Variants in GIPC1 observed in about 807,000 individuals in gnomAD.
GIPC1 encodes the protein GIPC PDZ domain containing family member 1.
Under a neutral mutation model 28.5 loss-of-function variants are expected in GIPC1, and 15 were observed. The observed-to-expected ratio is 0.53, with a 90% CI of 0.35 to 0.81. The LOEUF (loss-of-function observed/expected upper bound fraction) is 0.81, where lower values mean the gene tolerates loss of function less well. Ranked by LOEUF, GIPC1 falls within the 30% of genes least tolerant of loss-of-function variation. The probability of loss-of-function intolerance (pLI) is 0.01; values close to 1 mark genes in which losing one functional copy is unlikely to be tolerated. For missense variants in GIPC1, 439 were observed against 481.9 expected (o/e 0.91, Z 0.83); for synonymous variants, 224 against 206.1 (o/e 1.09, Z -0.74).
In GIPC1 at chr19:14,489,515, A is replaced by C. The variant is rs777997539; in HGVS notation, c.-31+2141T>G. ...GATCCCTTTATGAACCTTGTGATAG[A>C]TGAATGTGTGGAGATGGCGACTAGT... On this transcript the variant is annotated intron_variant, in intron 3 of 8. Transcript: ENST00000393033. 22 of 894,530 alleles carry C rather than the reference A, an allele frequency of 2.5e-5. No individual in the cohort carries two copies. In the Middle Eastern group the frequency reaches 9.9e-4, roughly 40 times the overall value. 55.4% of individuals were successfully genotyped at this position (894,530 alleles called of 1,614,324 possible). A position where few individuals can be genotyped will look rare whatever the true frequency, so the allele number is the denominator to read the frequency against.
chr19:14,491,054 A>G (rs2071962990), intron 3 of GIPC1, among the ~76,000 whole-genome samples: 1 of 151,880 alleles, frequency 6.6e-6, no homozygotes, highest in African/African-American at 2.4e-5. Flanking sequence ...TCCCGCCTGT[A>G]ATCCCAACAC....
intron 4 of GIPC1, 150 bp from the exon 5 acceptor site, chr19:14,480,928 AG>A (rs2071716056): frequency 1.6e-6 from 1 of 614,800 alleles, no homozygotes; most frequent in Non-Finnish European, 2.9e-6. Context: ...GGGCCACAGC[AG>A]GGCCCACATT....
Position 14,496,041 on chromosome 19 carries a change from TCCGCCGCCG to T in GIPC1, c.-188_-180del, listed in dbSNP as rs71166735. On this transcript the variant is annotated 5_prime_UTR_variant, in exon 1 of 9. Transcript: ENST00000393033. ...CTTCTCGCAGAGGCCACTCACCTGC[TCCGCCGCCG>T]CCGCCGCCGCCGCCGCCGCCGCCGC... The T allele has an allele frequency of 9.3e-4, 211 of 226,394 alleles. 3 individuals are homozygous for T. The highest frequency in any genetic ancestry group is 9.3e-3 in the East Asian group (76 of 8,186). The allele number at this position is 226,394 out of a possible 1,614,324, so 14.0% of individuals were successfully genotyped here. A position where few individuals can be genotyped will look rare whatever the true frequency, so the allele number is the denominator to read the frequency against.
chr19:14,482,744 TTGG>T lies in GIPC1; in HGVS notation c.230_232del (p.Thr77del), dbSNP rs2071757044. The T allele has an allele frequency of 6.2e-7, 1 of 1,611,526 alleles. No individual in the cohort carries two copies. Among genetic ancestry groups the T allele is most frequent in the South Asian group, 1.1e-5 (1 of 90,956 alleles). On this transcript the variant is annotated inframe_deletion, in exon 4 of 9. Coordinates refer to ENST00000393033, the MANE Select transcript of GIPC1 (RefSeq NM_005716.4). The stretch of plus-strand genomic sequence containing the variant: ...GATCTTGCCATACAGCTCCTTGACG[TTGG>T]TGAAGCCCTCGATGCGGCCAGTGGG...
At chr19:14,492,038 A>G (rs1017735651) in intron 2 of GIPC1, among the ~76,000 whole-genome samples, 12 of 151,902 alleles carry the variant, frequency 7.9e-5, no homozygotes, top group Non-Finnish European at 1.3e-4. Context: ...ACTGCACTCC[A>G]GCCTGGGTGA....
In GIPC1 at chr19:14,483,021, G is replaced by T; in HGVS notation, c.-30-15C>A. ...CACCAGAAGATCTGCAGGACAGGAA[G>T]TGGGGCTCAGGGCCTGGGCAGAGGC... is the stretch of plus-strand genomic sequence containing the variant. On this transcript the variant is annotated splice_polypyrimidine_tract_variant and intron_variant, in intron 3 of 8. Coordinates refer to ENST00000393033, the MANE Select transcript of GIPC1 (RefSeq NM_005716.4). 1.3e-6 allele frequency: 2 copies of T among 1,584,318 alleles called. No homozygotes were observed. The highest frequency in any genetic ancestry group is 1.7e-6 in the Non-Finnish European group (2 of 1,167,196).
intron 3 of GIPC1, chr19:14,489,555 T>C (rs573841029): frequency 1.0e-6 from 1 of 972,564 alleles, no homozygotes; most frequent in South Asian, 1.3e-5. Context: ...AACAGAAAAA[T>C]ATTGGAATGG....
intron 3 of GIPC1, among the ~76,000 whole-genome samples, chr19:14,484,687 C>T (rs2071798961): frequency 6.6e-6 from 1 of 152,008 alleles, no homozygotes; most frequent in Non-Finnish European, 1.5e-5. Context: ...GCGGAGGTTG[C>T]AGTGAGCTGA....
rs748223407 is a variant in GIPC1, at chr19:14,480,604, C to T, written c.463G>A (p.Ala155Thr). The T allele has an allele frequency of 7.4e-6, 12 of 1,613,860 alleles. 1 individual carries two copies. The South Asian group carries it at 1.2e-4, about 16-fold the overall frequency. Reference protein sequence around the residue: ...LTITDNGAGYAFIKRIKEGSV... With the variant: ...LTITDNGAGYTFIKRIKEGSV... ...GTCTCCCCAGGCACCTTGATGAAGG[C>T]GTAGCCAGCCCCGTTGTCCGTGATG... is the stretch of plus-strand genomic sequence containing the variant. The change falls in exon 5 of 9, where the codon GCC becomes ACC. Residue 155 changes from alanine to threonine, a missense_variant. Coordinates refer to ENST00000393033, the MANE Select transcript of GIPC1 (RefSeq NM_005716.4).
intron 7 of GIPC1, 124 bp downstream of exon 7, chr19:14,479,288 G>A (rs752474929): frequency 3.5e-5 from 17 of 482,154 alleles, no homozygotes; most frequent in Non-Finnish European, 5.7e-5. Context: ...GGAGGCAGAG[G>A]TTGCAGTGAG....
intron 3 of GIPC1, chr19:14,483,507 G>C (rs1391922117): frequency 6.6e-6 from 1 of 152,424 alleles, no homozygotes; most frequent in Non-Finnish European, 1.5e-5. Flanking sequence ...CCAGCACTGT[G>C]GGAGGCTGAG....
At chr19:14,485,077 T>C (rs2071806423) in intron 3 of GIPC1, among the ~76,000 whole-genome samples, 1 of 151,994 alleles carries the variant, frequency 6.6e-6, no homozygotes, top group Non-Finnish European at 1.5e-5. Context: ...AGAGAATCGC[T>C]TGAACCTGGG....
At chr19:14,485,702 T>TATATAGAGAGAGAG (rs1300117748) in intron 3 of GIPC1, among the ~76,000 whole-genome samples, 5 of 58,786 alleles carry the variant, frequency 8.5e-5, no homozygotes, top group Non-Finnish European at 1.8e-4. Flanking sequence ...TATATATATA[T>TATATAGAGAGAGAG]AGAGAGAGAG....
chr19:14,478,457 C>G lies in GIPC1; in HGVS notation c.961G>C (p.Val321Leu), dbSNP rs369693566. ...FAFPDEFVFDVWGAIGDAKVG... is the reference protein window; with the variant it reads ...FAFPDEFVFDLWGAIGDAKVG... The stretch of plus-strand genomic sequence containing the variant: ...TTGGCGTCCCCAATGGCGCCCCAGA[C>G]GTCAAAGACGAACTCGTCAGGGAAG... The change falls in exon 9 of 9, where the codon GTC becomes CTC. Residue 321 changes from valine to leucine, a missense_variant. Physicochemically the swap from Val to Leu is conservative, Grantham distance 32. Transcript: ENST00000393033. The surrounding 1 kb of genome is among the most constrained non-coding windows in gnomAD (Gnocchi z 5.2). 10 of 1,612,584 alleles carry G rather than the reference C, an allele frequency of 6.2e-6. No individual in the cohort carries two copies. The highest frequency in any genetic ancestry group is 8.5e-6 in the Non-Finnish European group (10 of 1,179,500).
chr19:14,479,852 C>T, intron 6 of GIPC1: 1 of 374,074 alleles, frequency 2.7e-6, no homozygotes, highest in Admixed American at 4.3e-5. Flanking sequence ...GAGTCCGTCT[C>T]CTCTTGGCCA....
At chr19:14,495,092 G>A (rs1009274836) in intron 1 of GIPC1, among the ~76,000 whole-genome samples, 4 of 152,022 alleles carry the variant, frequency 2.6e-5, no homozygotes, top group Non-Finnish European at 2.9e-5. Flanking sequence ...TGTTTCCGGG[G>A]AGAACGCCTA....
chr19:14,481,704 A>C (rs2071732824), intron 4 of GIPC1: 1 of 137,860 alleles, frequency 7.3e-6, no homozygotes, highest in African/African-American at 2.7e-5. Flanking sequence ...CTGGTGACAG[A>C]GCAAGACTCC....
intron 3 of GIPC1, among the ~76,000 whole-genome samples, chr19:14,483,731 A>C (rs2071779617): frequency 6.7e-6 from 1 of 150,368 alleles, no homozygotes; most frequent in South Asian, 2.1e-4. Context: ...CCTGGGCAAA[A>C]GAGCAAGACT....
intron 4 of GIPC1, 110 bp from the exon 5 acceptor site, chr19:14,480,888 A>G: frequency 1.3e-6 from 1 of 774,808 alleles, no homozygotes; most frequent in Non-Finnish European, 2.1e-6. Context: ...ATTCCATCCC[A>G]GTAACTCATC....
Sources: gnomAD v4.1 joint callset for allele counts (sites outside exome capture counted in the v4.1 genomes callset) on GRCh38, gnomAD v4.1.1 for gene constraint, Gnocchi (gnomAD v3.1) non-coding constraint, MANE v1.5 for transcripts, NCBI Gene and HGNC (gene_info 2026-07-23, HGNC 2026-07-21) for gene names.